The following KALRN variants were observed in gnomAD, a reference collection of about 807,000 sequenced individuals.
KALRN encodes the protein kalirin.
In KALRN, 70 loss-of-function variants were observed where a neutral mutation model predicts 353.7. The ratio of observed to expected loss-of-function variants is 0.20; its 90% CI spans 0.16 to 0.24. The LOEUF (loss-of-function observed/expected upper bound fraction) is 0.24, where lower values mean the gene tolerates loss of function less well. KALRN is among the 10% of genes least tolerant of loss of function. The probability of loss-of-function intolerance (pLI) is 1.00; values close to 1 mark genes in which losing one functional copy is unlikely to be tolerated. For synonymous variants in KALRN, 1,391 were observed against 1,434.8 expected, an observed-to-expected ratio of 0.97 and a Z score of 0.69; for missense variants, 2,791 against 3,756.7, an observed-to-expected ratio of 0.74 and a Z score of 6.72.
rs1403080087 is a variant in KALRN, at chr3:124,270,833, T to TTG, written c.969+1579_969+1580insGT. Among the ~76,000 whole-genome samples the TTG allele has an allele frequency of 2.8e-4, 41 of 147,650 alleles. 1 individual carries two copies. The highest frequency in any genetic ancestry group is 1.3e-3 in the South Asian group (6 of 4,582). ...TTTATTTTTTTGTTTTGTTTTTTTT[T>TTG]TTTTTTTTTTTTTTGAGACGGAGTC... On this transcript the variant is annotated intron_variant, in intron 5 of 59. Coordinates refer to ENST00000682506, the MANE Select transcript of KALRN (RefSeq NM_001388419.1).
chr3:124,340,762 C>T (rs1165987010), intron 9 of KALRN, among the ~76,000 whole-genome samples: 1 of 152,114 alleles, frequency 6.6e-6, no homozygotes, highest in Non-Finnish European at 1.5e-5. Flanking sequence ...CAAGACCAGC[C>T]TGGCCAACAT....
intron 1 of KALRN, among the ~76,000 whole-genome samples, chr3:124,054,096 T>G (rs1404221588): frequency 3.9e-5 from 6 of 152,320 alleles, no homozygotes; most frequent in African/African-American, 1.4e-4. Context: ...TCCAATATGC[T>G]TTGTGACTGT....
At chr3:124,229,046 C>T (rs914018074) in intron 2 of KALRN, among the ~76,000 whole-genome samples, 5 of 152,186 alleles carry the variant, frequency 3.3e-5, no homozygotes, top group African/African-American at 9.7e-5. Context: ...ATTGCCCTAT[C>T]TCAAGATGGT....
At chr3:124,582,691 A>ATTAT (rs1417590045) in intron 34 of KALRN, among the ~76,000 whole-genome samples, 1 of 150,902 alleles carries the variant, frequency 6.6e-6, no homozygotes, top group African/African-American at 2.4e-5. Context: ...AATGTAAGCT[A>ATTAT]TTATTACTCA....
intron 25 of KALRN, among the ~76,000 whole-genome samples, chr3:124,471,977 A>AC (rs2060952044): frequency 6.6e-6 from 1 of 151,450 alleles, no homozygotes; most frequent in African/African-American, 2.4e-5. Flanking sequence ...AAAAAAAAAA[A>AC]AAAAAAACAA....
chr3:124,144,708 A>G (rs968298217), intron 1 of KALRN, among the ~76,000 whole-genome samples: 3 of 147,792 alleles, frequency 2.0e-5, no homozygotes, highest in African/African-American at 7.6e-5. Flanking sequence ...GCCATTTCTC[A>G]TCCTCCCCTT....
At chr3:124,231,208 C>G (rs2079116917) in intron 2 of KALRN, among the ~76,000 whole-genome samples, 1 of 152,244 alleles carries the variant, frequency 6.6e-6, no homozygotes, top group Admixed American at 6.5e-5. Context: ...GGGGCTGTCC[C>G]TCAGTGAGCC....
intron 57 of KALRN, among the ~76,000 whole-genome samples, chr3:124,706,713 G>T (rs781213424): frequency 1.3e-5 from 2 of 151,930 alleles, no homozygotes; most frequent in East Asian, 1.9e-4. Flanking sequence ...GGAATTACAG[G>T]TGCCTGCCAC....
intron 5 of KALRN, among the ~76,000 whole-genome samples, chr3:124,296,041 T>G (rs2076818670): frequency 1.3e-5 from 2 of 152,200 alleles, no homozygotes; most frequent in African/African-American, 4.8e-5. Flanking sequence ...TTTCGTCCTT[T>G]CTTTACTGTT....
intron 23 of KALRN, among the ~76,000 whole-genome samples, chr3:124,456,960 C>T (rs553694049): frequency 2.0e-5 from 3 of 152,290 alleles, no homozygotes; most frequent in Admixed American, 2.0e-4. Flanking sequence ...CTAGACAAAC[C>T]CTTCCTCATA....
intron 1 of KALRN, among the ~76,000 whole-genome samples, chr3:124,124,605 A>G (rs57590135): frequency 0.07 from 10,652 of 152,230 alleles, 1,227 homozygotes; most frequent in African/African-American, 0.24. Context: ...TCTTTAATGA[A>G]AGGAAGAGTC....
intron 9 of KALRN, among the ~76,000 whole-genome samples, chr3:124,341,335 C>G (rs915316966): frequency 6.6e-6 from 1 of 152,172 alleles, no homozygotes; most frequent in Non-Finnish European, 1.5e-5. Flanking sequence ...AATGGGGTGG[C>G]AAAATTCCTC....
At chr3:124,265,781 T>C (rs567816603) in intron 4 of KALRN, among the ~76,000 whole-genome samples, 2 of 152,314 alleles carry the variant, frequency 1.3e-5, no homozygotes, top group South Asian at 2.1e-4. Flanking sequence ...ATATATAGGT[T>C]GTATCCTTGC....
intron 1 of KALRN, among the ~76,000 whole-genome samples, chr3:124,154,148 C>T (rs2068616520): frequency 6.6e-6 from 1 of 152,276 alleles, no homozygotes; most frequent in South Asian, 2.1e-4. Context: ...TCAATTTTGG[C>T]TTTTGTTGCC....
chr3:124,508,544 G>A (rs969578785), intron 33 of KALRN, among the ~76,000 whole-genome samples: 1 of 152,152 alleles, frequency 6.6e-6, no homozygotes, highest in Non-Finnish European at 1.5e-5. Flanking sequence ...CATTGTGTGA[G>A]TATACCACAA....
In KALRN at chr3:124,074,212, G is replaced by T. The variant is rs185101525; in HGVS notation, c.73+40399G>T. On this transcript the variant is annotated intron_variant, in intron 1 of 59. Coordinates refer to ENST00000682506, the MANE Select transcript of KALRN (RefSeq NM_001388419.1). ...AGAGATGCAGTAACAAAAATAGAAGGAATGGGTAAATCCAATCATACTCTA... is the reference window on the plus strand; with the variant it reads ...AGAGATGCAGTAACAAAAATAGAAGTAATGGGTAAATCCAATCATACTCTA... Among the ~76,000 whole-genome samples, 162 of 152,262 alleles carry T rather than the reference G, an allele frequency of 1.1e-3. 1 individual carries two copies. Among genetic ancestry groups the T allele is most frequent in the African/African-American group, 3.7e-3 (154 of 41,562 alleles).
At chr3:124,446,993 A>G in intron 21 of KALRN, 108 bp downstream of exon 21, 1 of 1,309,680 alleles carries the variant, frequency 7.6e-7, no homozygotes, top group Admixed American at 2.1e-5. Flanking sequence ...ATACCTGGCT[A>G]CAGTGGCAAG....
At chr3:124,606,948 G>A (rs7373759) in intron 34 of KALRN, among the ~76,000 whole-genome samples, 90,985 of 152,066 alleles carry the variant, frequency 0.6, 27,428 homozygotes, top group East Asian at 0.83. Flanking sequence ...TATAGGTAAG[G>A]CCAAATAGAT....
chr3:124,330,124 G>A (rs1560582445), intron 8 of KALRN, 132 bp downstream of exon 8: 1 of 966,732 alleles, frequency 1.0e-6, no homozygotes, highest in Non-Finnish European at 1.5e-6. Context: ...CTTTTTTTTT[G>A]GTGACATCTT....
Sources: allele counts gnomAD v4.1 joint callset (sites outside exome capture counted in the v4.1 genomes callset), GRCh38; gene constraint gnomAD v4.1.1; transcripts MANE v1.5; gene names NCBI Gene and HGNC (gene_info 2026-07-23, HGNC 2026-07-21).